TRIM44: variants seen among roughly 807,000 people sequenced by gnomAD.
The protein encoded by TRIM44 is tripartite motif containing 44.
In TRIM44, 13 loss-of-function variants were observed where a neutral mutation model predicts 37.4. The ratio of observed to expected loss-of-function variants is 0.35; its 90% CI spans 0.23 to 0.55. TRIM44 has a LOEUF of 0.55. TRIM44 is among the 20% of genes least tolerant of loss of function. The probability of loss-of-function intolerance (pLI) is 0.89; values close to 1 mark genes in which losing one functional copy is unlikely to be tolerated. For synonymous variants in TRIM44, 175 were observed against 157.2 expected (o/e 1.11, Z -0.85); for missense variants, 426 against 437.2 (o/e 0.97, Z 0.23).
At chr11:35,689,988 A>C (rs1366505214) in intron 2 of TRIM44, among the ~76,000 whole-genome samples, 1 of 152,234 alleles carries the variant, frequency 6.6e-6, no homozygotes, top group East Asian at 1.9e-4. Context: ...AACAGTTAGC[A>C]CAGTTGTGTG....
intron 2 of TRIM44, among the ~76,000 whole-genome samples, chr11:35,700,465 C>T (rs889928178): frequency 3.3e-5 from 5 of 152,216 alleles, no homozygotes; most frequent in African/African-American, 1.2e-4. Context: ...TCATTCTCCT[C>T]ACACACCTTG....
At chr11:35,693,592 G>A (rs571902351) in intron 2 of TRIM44, among the ~76,000 whole-genome samples, 100 of 152,176 alleles carry the variant, frequency 6.6e-4, no homozygotes, top group African/African-American at 2.3e-3. Flanking sequence ...TTTTTGTTTG[G>A]TTTGGTCTGT....
intron 4 of TRIM44, among the ~76,000 whole-genome samples, chr11:35,756,360 C>G (rs9667262): frequency 0.012 from 1,862 of 152,056 alleles, 39 homozygotes; most frequent in African/African-American, 0.042. Flanking sequence ...GATTTTGTAT[C>G]CTGAGACTTT....
chr11:35,666,526 A>T (rs913378083), intron 1 of TRIM44, among the ~76,000 whole-genome samples: 7 of 152,204 alleles, frequency 4.6e-5, no homozygotes, highest in South Asian at 2.1e-4. Context: ...TTCGCAGTTA[A>T]GTTTTATATT....
chr11:35,792,233 T>C (rs1050368840), intron 4 of TRIM44, among the ~76,000 whole-genome samples: 140 of 152,362 alleles, frequency 9.2e-4, no homozygotes, highest in Non-Finnish European at 4.6e-4. Context: ...ACAAGGACTT[T>C]GTCAGTCGTT....
At chr11:35,702,458 G>A (rs916499955) in intron 2 of TRIM44, among the ~76,000 whole-genome samples, 4 of 152,272 alleles carry the variant, frequency 2.6e-5, no homozygotes, top group Middle Eastern at 3.4e-3. Flanking sequence ...GCCTATGAAC[G>A]GAATCTGCCG....
chr11:35,702,338 G>C (rs577077074), intron 2 of TRIM44, among the ~76,000 whole-genome samples: 1 of 152,200 alleles, frequency 6.6e-6, no homozygotes, highest in Non-Finnish European at 1.5e-5. Flanking sequence ...CGCATCCACC[G>C]TTCTTTGACC....
chr11:35,683,473 G>T (rs984541573), intron 1 of TRIM44, among the ~76,000 whole-genome samples: 1 of 152,056 alleles, frequency 6.6e-6, no homozygotes, highest in Non-Finnish European at 1.5e-5. Flanking sequence ...ATCTTATTAG[G>T]TATTTCCTAT....
Position 35,727,456 on chromosome 11 carries a change from G to A in TRIM44, c.987+1293G>A, listed in dbSNP as rs1852191994. On this transcript the variant is annotated intron_variant, in intron 3 of 4. Coordinates refer to ENST00000299413, the MANE Select transcript of TRIM44 (RefSeq NM_017583.6). ...AGGTATTTCCAAGCTATCCTGACAG[G>A]AAATGTAAGAAACCATTGAAAGGTA... is the stretch of plus-strand genomic sequence containing the variant. 3.3e-5 allele frequency among the ~76,000 whole-genome samples: 5 copies of A among 152,264 alleles called. No individual in the cohort carries two copies. The South Asian group carries it at 1.0e-3, about 32-fold the overall frequency.
At chr11:35,700,866 A>C (rs565182159) in intron 2 of TRIM44, among the ~76,000 whole-genome samples, 3 of 152,206 alleles carry the variant, frequency 2.0e-5, no homozygotes, top group Non-Finnish European at 4.4e-5. Context: ...GAACTACAAC[A>C]TTACTGTTTT....
At chr11:35,742,695 ATATAAT>A (rs1382685723) in intron 4 of TRIM44, among the ~76,000 whole-genome samples, 1 of 135,848 alleles carries the variant, frequency 7.4e-6, no homozygotes, top group Non-Finnish European at 1.5e-5. Context: ...ATTATATTAA[ATATAAT>A]TATATTAACT....
chr11:35,698,053 A>C (rs1851729804), intron 2 of TRIM44, among the ~76,000 whole-genome samples: 1 of 151,770 alleles, frequency 6.6e-6, no homozygotes, highest in Non-Finnish European at 1.5e-5. Flanking sequence ...TGGTTGAACT[A>C]GTTTACACTC....
intron 4 of TRIM44, among the ~76,000 whole-genome samples, chr11:35,757,805 G>A (rs192845303): frequency 0.013 from 1,948 of 152,176 alleles, 48 homozygotes; most frequent in African/African-American, 0.044. Context: ...GTAGTTGAGC[G>A]GTTTTTAGTG....
chr11:35,697,516 A>C (rs1414185347), intron 2 of TRIM44, among the ~76,000 whole-genome samples: 1 of 149,946 alleles, frequency 6.7e-6, no homozygotes, highest in African/African-American at 2.5e-5. Context: ...GGTTTGGTAC[A>C]TATGTATACA....
At chr11:35,782,751 T>C (rs771395409) in intron 4 of TRIM44, among the ~76,000 whole-genome samples, 11 of 152,166 alleles carry the variant, frequency 7.2e-5, no homozygotes, top group Admixed American at 5.9e-4. Flanking sequence ...CAAGTAAAGC[T>C]ACATGCCACT....
rs1160355090 is a variant in TRIM44 at position 35,811,937 on chromosome 11, AATC to A, written c.*5555_*5557del. 3 of 152,224 alleles carry A rather than the reference AATC, an allele frequency of 2.0e-5. No individual in the cohort carries two copies. The highest frequency in any genetic ancestry group is 7.2e-5 in the African/African-American group (3 of 41,452). 9.4% of individuals were successfully genotyped at this position (152,224 alleles called of 1,614,324 possible). ...CAGCAGACTCTCTGTCTCCGAGAGC[AATC>A]ATTAGGCCCTACTTCCTCTTCCCCA... On this transcript the variant is annotated 3_prime_UTR_variant, in exon 5 of 5. Coordinates refer to ENST00000299413, the MANE Select transcript of TRIM44 (RefSeq NM_017583.6).
At chr11:35,754,882 A>G (rs1016573335) in intron 4 of TRIM44, among the ~76,000 whole-genome samples, 4 of 151,874 alleles carry the variant, frequency 2.6e-5, no homozygotes, top group Non-Finnish European at 5.9e-5. Context: ...TATGTGCCAC[A>G]TTTTCTTAAT....
Position 35,663,100 on chromosome 11 carries a change from C to G in TRIM44, c.-12C>G. 5.3e-6 allele frequency: 8 copies of G among 1,501,070 alleles called. No individual in the cohort carries two copies. The highest frequency in any genetic ancestry group is 5.3e-6 in the Non-Finnish European group (6 of 1,130,786). The allele number at this position is 1,501,070 out of a possible 1,614,324, so 93.0% of individuals were successfully genotyped here. A position where few individuals can be genotyped will look rare whatever the true frequency, so the allele number is the denominator to read the frequency against. ...CGGGGCCCCGAGGCCTTGGCCGCGT[C>G]ACAGCACCCACATGGCCTCTGGAGT... On this transcript the variant is annotated 5_prime_UTR_variant, in exon 1 of 5. Coordinates refer to ENST00000299413, the MANE Select transcript of TRIM44 (RefSeq NM_017583.6).
At chr11:35,778,628 A>G (rs1853008739) in intron 4 of TRIM44, among the ~76,000 whole-genome samples, 2 of 152,204 alleles carry the variant, frequency 1.3e-5, no homozygotes, top group South Asian at 4.1e-4. Flanking sequence ...ATGGTGACGT[A>G]CAGATGGGGT....
Sources: gnomAD v4.1 joint callset for allele counts (sites outside exome capture counted in the v4.1 genomes callset) on GRCh38, gnomAD v4.1.1 for gene constraint, MANE v1.5 for transcripts, NCBI Gene and HGNC (gene_info 2026-07-23, HGNC 2026-07-21) for gene names.